The following GPC5 variants were observed in gnomAD, a reference collection of about 807,000 sequenced individuals.
The protein encoded by GPC5 is glypican-5.
In GPC5, 47 loss-of-function variants were observed where a neutral mutation model predicts 53.9. That is an observed-to-expected ratio of 0.87 (90% confidence interval 0.69 to 1.11). GPC5 has a LOEUF of 1.11. Ranked by LOEUF, GPC5 falls within the 50% of genes most tolerant of loss-of-function variation. The pLI is 0.00. For missense variants in GPC5, 748 were observed against 713.1 expected, an observed-to-expected ratio of 1.05 and a Z score of -0.56; for synonymous variants, 286 against 263.3, an observed-to-expected ratio of 1.09 and a Z score of -0.84.
chr13:91,456,297 T>G (rs1248324294), intron 2 of GPC5, among the ~76,000 whole-genome samples: 1 of 152,110 alleles, frequency 6.6e-6, no homozygotes, highest in East Asian at 1.9e-4. Flanking sequence ...GTATAATCTT[T>G]TTTTTTAGTA....
intron 7 of GPC5, among the ~76,000 whole-genome samples, chr13:92,221,812 G>C (rs1025713130): frequency 6.6e-6 from 1 of 151,846 alleles, no homozygotes; most frequent in Non-Finnish European, 1.5e-5. Context: ...TTTTTCGTAC[G>C]ACTCAAGAAC....
intron 7 of GPC5, among the ~76,000 whole-genome samples, chr13:92,226,066 G>A (rs901404202): frequency 3.3e-5 from 5 of 152,108 alleles, no homozygotes; most frequent in Non-Finnish European, 5.9e-5. Flanking sequence ...GTTCTCACAA[G>A]ATCTGATGGC....
chr13:92,181,262 G>A (rs1407764816), intron 7 of GPC5, among the ~76,000 whole-genome samples: 3 of 152,108 alleles, frequency 2.0e-5, no homozygotes, highest in African/African-American at 7.2e-5. Flanking sequence ...GATGAGCTCA[G>A]ACAAGAAGAT....
intron 2 of GPC5, among the ~76,000 whole-genome samples, chr13:91,659,509 G>T (rs2139606781): frequency 6.6e-6 from 1 of 152,292 alleles, no homozygotes; most frequent in South Asian, 2.1e-4. Flanking sequence ...AGACCAAAAT[G>T]TGCCTATGAA....
chr13:91,440,010 C>T (rs1374486731), intron 1 of GPC5, among the ~76,000 whole-genome samples: 1 of 152,040 alleles, frequency 6.6e-6, no homozygotes, highest in African/African-American at 2.4e-5. Flanking sequence ...GAGATTCTTG[C>T]CTTTTCCTTT....
chr13:92,696,027 C>T (rs965605333), intron 7 of GPC5, among the ~76,000 whole-genome samples: 4 of 152,162 alleles, frequency 2.6e-5, no homozygotes, highest in African/African-American at 9.7e-5. Context: ...AGGACATGAA[C>T]TCATCCTTTT....
intron 5 of GPC5, among the ~76,000 whole-genome samples, chr13:91,802,643 G>A (rs1278765864): frequency 1.3e-5 from 2 of 152,118 alleles, no homozygotes; most frequent in Non-Finnish European, 2.9e-5. Context: ...ACAGAGTGCT[G>A]ATTGGTGTGT....
chr13:91,786,273 G>T (rs1318639652), intron 5 of GPC5, among the ~76,000 whole-genome samples: 2 of 152,172 alleles, frequency 1.3e-5, no homozygotes, highest in Non-Finnish European at 1.5e-5. Context: ...GGGATTACAG[G>T]CGTGAGCCAC....
chr13:92,613,657 TTATATATTTTATTA>T (rs201245723), intron 7 of GPC5, among the ~76,000 whole-genome samples: 4,974 of 136,904 alleles, frequency 0.036, 146 homozygotes, highest in Admixed American at 0.097. Flanking sequence ...TATATAATAT[TTATATATTTTATTA>T]TATATATTTT....
chr13:92,492,884 A>C (rs1205012126), intron 7 of GPC5, among the ~76,000 whole-genome samples: 1 of 152,150 alleles, frequency 6.6e-6, no homozygotes, highest in Non-Finnish European at 1.5e-5. Context: ...ATTCTCCTTG[A>C]CTTCTTATCA....
rs986187591 is a variant in GPC5, at chr13:91,581,194, C to A, written c.326-111993C>A. On this transcript the variant is annotated intron_variant, in intron 2 of 7. Coordinates refer to ENST00000377067, the MANE Select transcript of GPC5 (RefSeq NM_004466.6). ...GGGTGGGGACAAAGTCAAACCATAT[C>A]TTTACATATGTGTCTATGTGTGTGT... 6.6e-5 allele frequency among the ~76,000 whole-genome samples: 10 copies of A among 152,236 alleles called. 1 individual carries two copies. Among genetic ancestry groups the A allele is most frequent in the Admixed American group, 3.9e-4 (6 of 15,278 alleles).
In GPC5 at chr13:92,852,525, C is replaced by G. The variant is rs185161567; in HGVS notation, c.1562-13757C>G. ...TCCTGCAACTCATTTTGACCAATGA[C>G]CTAGTAAGCAGAAGTGACACATGTT... is the stretch of plus-strand genomic sequence containing the variant. On this transcript the variant is annotated intron_variant, in intron 7 of 7. Coordinates refer to ENST00000377067, the MANE Select transcript of GPC5 (RefSeq NM_004466.6). Among the ~76,000 whole-genome samples, 14 of 152,256 alleles carry G rather than the reference C, an allele frequency of 9.2e-5. No individual in the cohort carries two copies. The East Asian group carries it at 2.5e-3, about 27-fold the overall frequency.
intron 5 of GPC5, among the ~76,000 whole-genome samples, chr13:91,907,329 A>C (rs2039563661): frequency 6.8e-6 from 1 of 147,944 alleles, no homozygotes; most frequent in Non-Finnish European, 1.5e-5. Flanking sequence ...TGATATTATC[A>C]TTATTAAAAA....
At chr13:91,671,807 G>GAAAAAAAAAAAAAAAAAAAA (rs1207604916) in intron 2 of GPC5, among the ~76,000 whole-genome samples, 3 of 54,678 alleles carry the variant, frequency 5.5e-5, no homozygotes, top group African/African-American at 7.9e-5. Flanking sequence ...AAAAAAAAAC[G>GAAAAAAAAAAAAAAAAAAAA]AAACTGGAGG....
chr13:91,635,776 C>G (rs903044782), intron 2 of GPC5, among the ~76,000 whole-genome samples: 1 of 152,096 alleles, frequency 6.6e-6, no homozygotes, highest in Non-Finnish European at 1.5e-5. Flanking sequence ...GAGGTTTACA[C>G]TTGCAGATAA....
chr13:91,752,382 GC>G (rs1396177637), intron 4 of GPC5, among the ~76,000 whole-genome samples: 2 of 152,056 alleles, frequency 1.3e-5, no homozygotes, highest in Admixed American at 6.6e-5. Context: ...ACCACGCCTG[GC>G]CCCTGATTAT....
chr13:92,112,382 A>T lies in GPC5; in HGVS notation c.1402-32448A>T, dbSNP rs78761600. ...TCGTATAGTAAGGAAGTAGATTAAG[A>T]AGTGATGGTCAAAGAAACAGAAAAT... On this transcript the variant is annotated intron_variant, in intron 6 of 7. Transcript: ENST00000377067. 7.9e-5 allele frequency among the ~76,000 whole-genome samples: 12 copies of T among 152,286 alleles called. No homozygotes were observed. The East Asian group carries it at 2.1e-3, about 27-fold the overall frequency.
At chr13:92,644,524 A>T (rs1294223051) in intron 7 of GPC5, among the ~76,000 whole-genome samples, 1 of 152,158 alleles carries the variant, frequency 6.6e-6, no homozygotes, top group Non-Finnish European at 1.5e-5. Flanking sequence ...CCTACTGTAC[A>T]ACTGTCCTAG....
rs1431462588 is a variant in GPC5 at position 91,949,830 on chromosome 13, T to A, written c.1401+41773T>A. ...TTTTGCATGGTAGAAAGGAAAAAAA[T>A]TCTTGTATTATTCTACTATAAATGT... On this transcript the variant is annotated intron_variant, in intron 6 of 7. Coordinates refer to ENST00000377067, the MANE Select transcript of GPC5 (RefSeq NM_004466.6). 4.1e-5 allele frequency among the ~76,000 whole-genome samples: 6 copies of A among 146,920 alleles called. No homozygotes were observed. In the South Asian group the frequency reaches 8.8e-4, roughly 22 times the overall value.
Sources: gnomAD v4.1 joint callset for allele counts (sites outside exome capture counted in the v4.1 genomes callset) on GRCh38, gnomAD v4.1.1 for gene constraint, MANE v1.5 for transcripts, NCBI Gene and HGNC (gene_info 2026-07-23, HGNC 2026-07-21) for gene names.